SMPD4: variants seen among roughly 807,000 people sequenced by gnomAD.
The protein encoded by SMPD4 is neutral sphingomyelinase 3.
SMPD4 carries 58 observed loss-of-function variants against 97.8 expected under a neutral mutation model. The observed-to-expected ratio is 0.59, with a 90% CI of 0.48 to 0.74. The LOEUF is 0.74. SMPD4 is among the 30% of genes least tolerant of loss of function. The pLI is 0.00. For synonymous variants in SMPD4, 388 were observed against 450.0 expected (o/e 0.86, Z 1.74); for missense variants, 853 against 1,080.5 (o/e 0.79, Z 2.95).
Position 130,154,445 on chromosome 2 carries a change from G to C in SMPD4, c.1491C>G (p.Pro497=). 1.3e-6 allele frequency: 2 copies of C among 1,564,172 alleles called. No homozygotes were observed. Among genetic ancestry groups the C allele is most frequent in the South Asian group, 1.2e-5 (1 of 85,608 alleles). Reference sequence around the variant, plus strand: ...CCGTGAAGAGTCGGTGCTGGCGGTGGGGGATGACCAGCTCTGGCTCCAGGA... The same window carrying C: ...CCGTGAAGAGTCGGTGCTGGCGGTGCGGGATGACCAGCTCTGGCTCCAGGA... ...QLFLEPELVI[P]HRQHRLFTAP... The change falls in exon 16 of 20, where the codon CCC becomes CCG. Residue 497 remains proline (P), a synonymous_variant. Coordinates refer to ENST00000680298, the MANE Select transcript of SMPD4 (RefSeq NM_017951.5).
chr2:130,180,457 G>A (rs1044073759), intron 1 of SMPD4, among the ~76,000 whole-genome samples: 1 of 151,686 alleles, frequency 6.6e-6, no homozygotes, highest in Non-Finnish European at 1.5e-5. Flanking sequence ...TTTTTTACTA[G>A]AGACGAGGTT....
intron 16 of SMPD4, 37 bp downstream of exon 16, chr2:130,154,240 C>T (rs1407493857): frequency 6.5e-7 from 1 of 1,547,362 alleles, no homozygotes; most frequent in South Asian, 1.3e-5. Flanking sequence ...CCCATGGCTC[C>T]AGGGGCCCTG....
At chr2:130,169,213 T>C (rs1688206358) in intron 8 of SMPD4, among the ~76,000 whole-genome samples, 1 of 152,256 alleles carries the variant, frequency 6.6e-6, no homozygotes, top group Non-Finnish European at 1.5e-5. Context: ...CCGCATGCTC[T>C]GGAGGGGTCA....
intron 15 of SMPD4, chr2:130,154,885 A>C: frequency 1.5e-6 from 1 of 686,840 alleles, no homozygotes; most frequent in East Asian, 2.7e-5. Context: ...GCGATCCCCC[A>C]CCCAGTGCCT....
chr2:130,156,067 G>T lies in SMPD4; in HGVS notation c.1257C>A (p.Ser419Arg). The T allele has an allele frequency of 6.2e-7, 1 of 1,611,416 alleles. No individual in the cohort carries two copies. Among genetic ancestry groups the T allele is most frequent in the Non-Finnish European group, 8.5e-7 (1 of 1,179,874 alleles). ...RYAPDKQAPG[S>R]DSQPRCVSEK... ...CCGACACACACCGGGGCTGGGAGTC[G>T]CTGCCCGGAGCCTGCTTGTCAGGCG... Residue 419 changes from serine (S) to arginine (R), a missense_variant, in exon 14 of 20, where the codon AGC becomes AGA. Ser to Arg is a moderately radical substitution (Grantham distance 110). This residue lies in a region of SMPD4 where 511 missense variants were observed against 608.1 expected (regional missense o/e 0.84). Coordinates refer to ENST00000680298, the MANE Select transcript of SMPD4 (RefSeq NM_017951.5).
chr2:130,179,361 T>C (rs1223196736), intron 1 of SMPD4, among the ~76,000 whole-genome samples: 2 of 152,112 alleles, frequency 1.3e-5, no homozygotes, highest in Non-Finnish European at 2.9e-5. Context: ...GACCTCGTGA[T>C]CCGCCTGCCT....
intron 1 of SMPD4, among the ~76,000 whole-genome samples, chr2:130,179,428 T>C (rs1689282932): frequency 6.6e-6 from 1 of 151,866 alleles, no homozygotes; most frequent in African/African-American, 2.4e-5. Flanking sequence ...GCCTCTTTTT[T>C]CTTTTTTTGA....
chr2:130,160,415 C>T (rs1687274610), intron 11 of SMPD4, among the ~76,000 whole-genome samples: 1 of 152,222 alleles, frequency 6.6e-6, no homozygotes, highest in African/African-American at 2.4e-5. Context: ...GAGCACAGCC[C>T]GTCTCCCCCG....
At chr2:130,181,682 G>C (rs925180676), upstream of SMPD4, 1 of 1,548,304 alleles carries the variant, frequency 6.5e-7, no homozygotes, top group African/African-American at 1.4e-5. Flanking sequence ...CAAAAGGCGC[G>C]TGCGCAAAGC....
At chr2:130,167,205 C>T (rs1197055538) in intron 9 of SMPD4, among the ~76,000 whole-genome samples, 1 of 152,008 alleles carries the variant, frequency 6.6e-6, no homozygotes, top group Non-Finnish European at 1.5e-5. Flanking sequence ...ACTGCAGCCT[C>T]CACCTCCTGG....
intron 8 of SMPD4, among the ~76,000 whole-genome samples, chr2:130,169,802 T>C (rs1462547245): frequency 6.6e-6 from 1 of 152,200 alleles, no homozygotes; most frequent in East Asian, 1.9e-4. Context: ...TCCTCCCGCC[T>C]TGGCCTCCCA....
chr2:130,179,122 CTTTT>C (rs772317420), intron 1 of SMPD4, among the ~76,000 whole-genome samples: 1 of 133,870 alleles, frequency 7.5e-6, no homozygotes, highest in Non-Finnish European at 1.6e-5. Context: ...TTTTTCAATT[CTTTT>C]TTTTTTTTTT....
In SMPD4 at chr2:130,175,073, G is replaced by A. The variant is rs371056011; in HGVS notation, c.40-73C>T. 15 of 1,086,906 alleles carry A rather than the reference G, an allele frequency of 1.4e-5. No homozygotes were observed. In the East Asian group the frequency reaches 1.7e-4, roughly 12 times the overall value. The allele number at this position is 1,086,906 out of a possible 1,614,324, so 67.3% of individuals were successfully genotyped here. A position where few individuals can be genotyped will look rare whatever the true frequency, so the allele number is the denominator to read the frequency against. On this transcript the variant is annotated intron_variant, in intron 2 of 19. Coordinates refer to ENST00000680298, the MANE Select transcript of SMPD4 (RefSeq NM_017951.5). ...AGCTTTTAGTGGCACTCTGGCTTGA[G>A]TCAAACAGAAATCCAAGCAATAGGT...
Position 130,152,756 on chromosome 2 carries a change from G to A in SMPD4, c.2283C>T (p.Ala761=), listed in dbSNP as rs77246487. ...TGAGCCTGGGGCCGCGGGTGTGGCC[G>A]GCCACCTGCCTCCGCCCCACAGGGC... ...LLSPVGRRQV[A]GHTRGPRLSL... is the part of the protein sequence containing the mutation. Residue 761 remains alanine, a synonymous_variant, in exon 20 of 20, where the codon GCC becomes GCT. Transcript: ENST00000680298. 2,319 of 1,599,796 alleles carry A rather than the reference G, an allele frequency of 1.4e-3. 59 individuals are homozygous for A. The East Asian group carries it at 0.045, about 31-fold the overall frequency.
chr2:130,162,109 G>A (rs1325754332), intron 10 of SMPD4, among the ~76,000 whole-genome samples: 8 of 152,200 alleles, frequency 5.3e-5, no homozygotes, highest in Non-Finnish European at 1.2e-4. Flanking sequence ...CTCTCCTACC[G>A]CACCAGAAAC....
chr2:130,165,087 C>A (rs1687792912), intron 9 of SMPD4, among the ~76,000 whole-genome samples: 1 of 117,738 alleles, frequency 8.5e-6, no homozygotes, highest in Admixed American at 1.2e-4. Flanking sequence ...TCTAGCCTGG[C>A]AACAAAGACA....
intron 8 of SMPD4, among the ~76,000 whole-genome samples, chr2:130,171,135 C>CT (rs58972698): frequency 0.51 from 73,245 of 144,278 alleles, 21,209 homozygotes; most frequent in African/African-American, 0.81. Flanking sequence ...AATTTCTTTT[C>CT]TTTTTTTTTT....
intron 1 of SMPD4, among the ~76,000 whole-genome samples, chr2:130,179,960 C>T (rs1689364588): frequency 7.8e-6 from 1 of 128,220 alleles, no homozygotes; most frequent in African/African-American, 2.8e-5. Flanking sequence ...GCCGCTTTTT[C>T]TTTTTTCTCC....
intron 2 of SMPD4, 46 bp from the exon 3 acceptor site, chr2:130,175,046 G>A (rs200617848): frequency 7.2e-7 from 1 of 1,385,668 alleles, no homozygotes; most frequent in Admixed American, 1.7e-5. Context: ...CATTCACTCT[G>A]CAGCTTTTAG....
Sources: gnomAD v4.1 joint callset for allele counts (sites outside exome capture counted in the v4.1 genomes callset) on GRCh38, gnomAD v4.1.1 for gene constraint, gnomAD v4.1.1 regional missense constraint, MANE v1.5 for transcripts, NCBI Gene and HGNC (gene_info 2026-07-23, HGNC 2026-07-21) for gene names.